The following ZEB1 variants were observed in gnomAD, a reference collection of about 807,000 sequenced individuals.
ZEB1 encodes zinc finger E-box-binding homeobox 1.
A neutral mutation model predicts 84.9 loss-of-function variants in ZEB1; 21 were observed. The observed-to-expected ratio is 0.25, with a 90% confidence interval of 0.18 to 0.36. The LOEUF (loss-of-function observed/expected upper bound fraction) is 0.36. Ranked by LOEUF, ZEB1 falls within the 10% of genes least tolerant of loss-of-function variation. ZEB1 has a pLI of 1.00. For missense variants in ZEB1, 1,104 were observed against 1,330.2 expected (o/e 0.83, Z 2.65); for synonymous variants, 420 against 471.1 (o/e 0.89, Z 1.41).
intron 1 of ZEB1, among the ~76,000 whole-genome samples, chr10:31,438,821 G>T (rs967345895): frequency 8.5e-5 from 13 of 152,178 alleles, no homozygotes; most frequent in African/African-American, 3.1e-4. Context: ...TCCAGCCTGG[G>T]TGACAGAGTG....
chr10:31,406,751 C>G (rs886912513), intron 1 of ZEB1, among the ~76,000 whole-genome samples: 1 of 152,056 alleles, frequency 6.6e-6, no homozygotes, highest in African/African-American at 2.4e-5. Context: ...GTGTTTTGTT[C>G]ATGAAGTGTT....
At chr10:31,354,584 G>T (rs1409885120) in intron 1 of ZEB1, among the ~76,000 whole-genome samples, 1 of 152,008 alleles carries the variant, frequency 6.6e-6, no homozygotes, top group Non-Finnish European at 1.5e-5. Context: ...GTCGTTCTGA[G>T]CCATGTCCAG....
chr10:31,362,766 G>T (rs1245691808), intron 1 of ZEB1: 1 of 639,864 alleles, frequency 1.6e-6, no homozygotes, highest in South Asian at 1.6e-5. Context: ...TTGATCTCCT[G>T]ATCCGCCCGC....
intron 1 of ZEB1, among the ~76,000 whole-genome samples, chr10:31,402,935 A>G (rs1465173273): frequency 2.0e-5 from 3 of 152,158 alleles, no homozygotes; most frequent in Non-Finnish European, 2.9e-5. Context: ...TTTTCTTAAT[A>G]CAATCTTTTG....
chr10:31,447,554 G>A (rs7912126), intron 1 of ZEB1, among the ~76,000 whole-genome samples: 121,817 of 127,848 alleles, frequency 0.95, 58,172 homozygotes, highest in East Asian at 0.99. Context: ...GGCTGGTACC[G>A]GTTGTTCCTT....
chr10:31,502,238 G>C (rs1429587325), intron 3 of ZEB1, 110 bp from the exon 4 acceptor site: 1 of 1,103,304 alleles, frequency 9.1e-7, no homozygotes, highest in East Asian at 2.6e-5. Context: ...ATTTTCTGCA[G>C]ATTCAAGAAC....
At chr10:31,438,334 A>G (rs2058516034) in intron 1 of ZEB1, among the ~76,000 whole-genome samples, 1 of 152,226 alleles carries the variant, frequency 6.6e-6, no homozygotes, top group Non-Finnish European at 1.5e-5. Flanking sequence ...AAATAAGAAA[A>G]TAGATCTTAT....
At chr10:31,446,732 A>G (rs1173440569) in intron 1 of ZEB1, among the ~76,000 whole-genome samples, 1 of 151,906 alleles carries the variant, frequency 6.6e-6, no homozygotes, top group East Asian at 1.9e-4. Flanking sequence ...TTTGAGTGAG[A>G]TTCTTAATCC....
At position 31,527,385 on chromosome 10, in the gene ZEB1, T is replaced by G; in HGVS notation, c.*121T>G. The G allele has an allele frequency of 8.3e-7, 1 of 1,209,946 alleles. No homozygotes were observed. The highest frequency in any genetic ancestry group is 1.1e-6 in the Non-Finnish European group (1 of 878,850). The allele number at this position is 1,209,946 out of a possible 1,614,324, so 75.0% of individuals were successfully genotyped here. On this transcript the variant is annotated 3_prime_UTR_variant, in exon 9 of 9. Coordinates refer to ENST00000424869, the MANE Select transcript of ZEB1 (RefSeq NM_001174096.2). ...GATTCCTGTTCACTACTGTGTAAAG[T>G]AAAAACTAAAAAAATACAAAATACA...
chr10:31,364,006 C>A (rs1456403032), intron 1 of ZEB1, among the ~76,000 whole-genome samples: 1 of 152,208 alleles, frequency 6.6e-6, no homozygotes, highest in Non-Finnish European at 1.5e-5. Context: ...TGGCCAGGAC[C>A]TGCGGCAGAA....
chr10:31,411,495 G>T (rs921697751), intron 1 of ZEB1, among the ~76,000 whole-genome samples: 1 of 151,988 alleles, frequency 6.6e-6, no homozygotes, highest in South Asian at 2.1e-4. Flanking sequence ...AGCCGGGCGC[G>T]GTGGCGGGCG....
chr10:31,448,977 C>A (rs972837303), intron 1 of ZEB1, among the ~76,000 whole-genome samples: 5 of 152,242 alleles, frequency 3.3e-5, no homozygotes, highest in Non-Finnish European at 7.3e-5. Flanking sequence ...TTTACCTAAT[C>A]AAGCCTGGGC....
In ZEB1 at chr10:31,334,099, A is replaced by G. The variant is rs7923648; in HGVS notation, c.58+14807A>G. Among the ~76,000 whole-genome samples the G allele has an allele frequency of 6.5e-3, 985 of 152,216 alleles. 14 individuals are homozygous for G. The highest frequency in any genetic ancestry group is 0.022 in the African/African-American group (931 of 41,570). On this transcript the variant is annotated intron_variant, in intron 1 of 8. Transcript: ENST00000424869. ...TTATCATTATTATAGCTTATTTAAA[A>G]TAATCTCTGTTAATGTGAGAACAAG...
At chr10:31,429,693 A>G (rs1370493660) in intron 1 of ZEB1, among the ~76,000 whole-genome samples, 5 of 151,658 alleles carry the variant, frequency 3.3e-5, no homozygotes, top group Middle Eastern at 3.4e-3. Flanking sequence ...TAAAAAAAAA[A>G]AAAAGCCAGT....
chr10:31,444,959 T>A (rs2059570384), intron 1 of ZEB1, among the ~76,000 whole-genome samples: 1 of 152,038 alleles, frequency 6.6e-6, no homozygotes, highest in African/African-American at 2.4e-5. Flanking sequence ...AAGAAAGTCA[T>A]TGGTAGCTTG....
rs959858374 is a variant in ZEB1 at position 31,521,873 on chromosome 10, A to G, written c.2541A>G (p.Ser847=). The change falls in exon 7 of 9, where the codon TCA becomes TCG. Residue 847 remains serine (S), a synonymous_variant. Transcript: ENST00000424869. ...ILIPQVAYTY[S]TTVSPAVQEP... ...TTCCCCAGGTGGCATACACCTACTCAACTACGGTCAGCCCTGCAGTCCAAG... is the reference window on the plus strand; with the variant it reads ...TTCCCCAGGTGGCATACACCTACTCGACTACGGTCAGCCCTGCAGTCCAAG... The G allele has an allele frequency of 5.6e-6, 9 of 1,613,906 alleles. No individual in the cohort carries two copies. Among genetic ancestry groups the G allele is most frequent in the African/African-American group, 1.3e-5 (1 of 74,910 alleles).
chr10:31,436,839 T>C (rs1012587110), intron 1 of ZEB1, among the ~76,000 whole-genome samples: 44 of 152,198 alleles, frequency 2.9e-4, no homozygotes, highest in African/African-American at 1.1e-3. Flanking sequence ...ATTTTCTATT[T>C]GTTTGTGTTT....
chr10:31,480,086 A>C (rs1339842946), intron 2 of ZEB1, among the ~76,000 whole-genome samples: 3 of 151,966 alleles, frequency 2.0e-5, no homozygotes, highest in Admixed American at 2.0e-4. Context: ...CTGATCTGAT[A>C]ATGTGAAATA....
At chr10:31,448,926 T>A (rs532483520) in intron 1 of ZEB1, among the ~76,000 whole-genome samples, 1 of 152,354 alleles carries the variant, frequency 6.6e-6, no homozygotes, top group Non-Finnish European at 1.5e-5. Flanking sequence ...CTCCTTGAGC[T>A]GTGGTGGGCT....
Sources: allele counts gnomAD v4.1 joint callset (sites outside exome capture counted in the v4.1 genomes callset), GRCh38; gene constraint gnomAD v4.1.1; transcripts MANE v1.5; gene names NCBI Gene and HGNC (gene_info 2026-07-23, HGNC 2026-07-21).